RALGAPA2: variants seen among roughly 807,000 people sequenced by gnomAD.
RALGAPA2 encodes Ral GTPase activating protein catalytic subunit alpha 2.
In RALGAPA2, 139 loss-of-function variants were observed where a neutral mutation model predicts 230.4. The ratio of observed to expected loss-of-function variants is 0.60; its 90% CI spans 0.53 to 0.69. RALGAPA2 has a LOEUF of 0.69. RALGAPA2 is among the 30% of genes least tolerant of loss of function. The pLI is 0.00. For synonymous variants in RALGAPA2, 847 were observed against 837.8 expected, an observed-to-expected ratio of 1.01 and a Z score of -0.19; for missense variants, 2,163 against 2,276.0, an observed-to-expected ratio of 0.95 and a Z score of 1.01.
At chr20:20,704,659 T>C (rs948640607) in intron 1 of RALGAPA2, among the ~76,000 whole-genome samples, 2 of 152,182 alleles carry the variant, frequency 1.3e-5, no homozygotes, top group African/African-American at 4.8e-5. Flanking sequence ...GGGCTTGCAA[T>C]CCAAAGGAAG....
At chr20:20,543,173 T>C (rs1373338768) in intron 24 of RALGAPA2, among the ~76,000 whole-genome samples, 1 of 152,062 alleles carries the variant, frequency 6.6e-6, no homozygotes, top group Non-Finnish European at 1.5e-5. Flanking sequence ...GCCTCCTGAG[T>C]AGCTGGGACT....
At chr20:20,438,864 T>C (rs1018912561) in intron 37 of RALGAPA2, among the ~76,000 whole-genome samples, 3 of 152,218 alleles carry the variant, frequency 2.0e-5, no homozygotes, top group Admixed American at 6.5e-5. Flanking sequence ...AAATGGAGGC[T>C]GAGAAATAAA....
chr20:20,479,939 T>A (rs1364543741), intron 36 of RALGAPA2, among the ~76,000 whole-genome samples: 8 of 152,256 alleles, frequency 5.3e-5, no homozygotes, highest in Admixed American at 4.6e-4. Flanking sequence ...CAGAATACAT[T>A]CACCAAAAAT....
intron 35 of RALGAPA2, among the ~76,000 whole-genome samples, chr20:20,501,811 C>CT (rs1460595834): frequency 6.6e-6 from 1 of 152,106 alleles, no homozygotes; most frequent in Non-Finnish European, 1.5e-5. Context: ...CACTTGAATA[C>CT]TTTGAGGCCA....
intron 37 of RALGAPA2, among the ~76,000 whole-genome samples, chr20:20,438,540 C>T (rs940853630): frequency 4.6e-5 from 7 of 152,282 alleles, no homozygotes; most frequent in Middle Eastern, 3.4e-3. Flanking sequence ...GGTATGTTCA[C>T]GGTACAGCCC....
At chr20:20,662,180 C>T (rs1208944515) in intron 3 of RALGAPA2, among the ~76,000 whole-genome samples, 1 of 151,992 alleles carries the variant, frequency 6.6e-6, no homozygotes, top group Non-Finnish European at 1.5e-5. Context: ...CTAAGCGATG[C>T]AAATAAATCC....
chr20:20,702,123 A>G (rs1300751988), intron 1 of RALGAPA2, among the ~76,000 whole-genome samples: 2 of 152,198 alleles, frequency 1.3e-5, no homozygotes, highest in Admixed American at 6.5e-5. Flanking sequence ...AACAAAAGCT[A>G]CAAAGTGCTG....
intron 37 of RALGAPA2, among the ~76,000 whole-genome samples, chr20:20,458,034 G>A (rs1343220228): frequency 1.3e-5 from 2 of 152,196 alleles, no homozygotes; most frequent in South Asian, 4.1e-4. Flanking sequence ...CACTTTAGTC[G>A]CTGGCCCTGG....
chr20:20,687,055 G>A (rs1401578067), intron 1 of RALGAPA2, among the ~76,000 whole-genome samples: 8 of 151,700 alleles, frequency 5.3e-5, no homozygotes, highest in African/African-American at 2.4e-5. Flanking sequence ...GTGTGTAGAT[G>A]AAGATAGGTG....
intron 20 of RALGAPA2, among the ~76,000 whole-genome samples, chr20:20,578,520 A>C (rs1320882347): frequency 6.6e-6 from 1 of 152,172 alleles, no homozygotes. Context: ...TAATTTTTAC[A>C]AAGAGATCTA....
At chr20:20,417,704 T>A (rs1242867863) in intron 37 of RALGAPA2, among the ~76,000 whole-genome samples, 1 of 152,180 alleles carries the variant, frequency 6.6e-6, no homozygotes, top group Non-Finnish European at 1.5e-5. Context: ...TTCATCAAAT[T>A]TATGTCAAGA....
chr20:20,554,742 A>C (rs2064031374), intron 23 of RALGAPA2, among the ~76,000 whole-genome samples: 1 of 152,176 alleles, frequency 6.6e-6, no homozygotes, highest in Admixed American at 6.5e-5. Context: ...GGCCTCAAGC[A>C]ATCCACCTGT....
chr20:20,623,336 T>C (rs1286053455), intron 10 of RALGAPA2, among the ~76,000 whole-genome samples: 1 of 152,010 alleles, frequency 6.6e-6, no homozygotes, highest in Non-Finnish European at 1.5e-5. Context: ...ATATCAAAAA[T>C]AGACAAGATA....
At chr20:20,406,604 T>C (rs1052995544) in intron 38 of RALGAPA2, among the ~76,000 whole-genome samples, 1 of 152,208 alleles carries the variant, frequency 6.6e-6, no homozygotes, top group African/African-American at 2.4e-5. Flanking sequence ...TCATATAAGA[T>C]AGTTTGTATT....
intron 3 of RALGAPA2, among the ~76,000 whole-genome samples, chr20:20,675,280 G>A (rs928100296): frequency 6.6e-6 from 1 of 152,134 alleles, no homozygotes; most frequent in Non-Finnish European, 1.5e-5. Flanking sequence ...CAGGGCTATT[G>A]AGCACTAGCC....
At chr20:20,396,945 T>C (rs2059732295) in intron 38 of RALGAPA2, among the ~76,000 whole-genome samples, 1 of 152,174 alleles carries the variant, frequency 6.6e-6, no homozygotes, top group South Asian at 2.1e-4. Flanking sequence ...AAATGTGAAA[T>C]GAGAGAGACA....
At chr20:20,481,859 C>T (rs1337258724) in intron 36 of RALGAPA2, among the ~76,000 whole-genome samples, 1 of 152,144 alleles carries the variant, frequency 6.6e-6, no homozygotes, top group Non-Finnish European at 1.5e-5. Context: ...GTGTTGTCTG[C>T]CCTGTGGGCC....
rs537121768 is a variant in RALGAPA2 at position 20,407,086 on chromosome 20, C to A, written c.5617+4941G>T. ...TGAGTTGGCACTGATTCCAACTTGC[C>A]CATGACCTTCGGTGGTCCCTTCCTG... On this transcript the variant is annotated intron_variant, in intron 38 of 39. Coordinates refer to ENST00000202677, the MANE Select transcript of RALGAPA2 (RefSeq NM_020343.4). 2.0e-5 allele frequency among the ~76,000 whole-genome samples: 3 copies of A among 152,198 alleles called. No homozygotes were observed. In the South Asian group the frequency reaches 6.2e-4, roughly 32 times the overall value.
chr20:20,607,529 T>C (rs2065858190), intron 14 of RALGAPA2, among the ~76,000 whole-genome samples: 1 of 152,186 alleles, frequency 6.6e-6, no homozygotes, highest in African/African-American at 2.4e-5. Flanking sequence ...TATTAATTTT[T>C]ATACCCCTGC....
Sources: gnomAD v4.1 joint callset for allele counts (sites outside exome capture counted in the v4.1 genomes callset) on GRCh38, gnomAD v4.1.1 for gene constraint, MANE v1.5 for transcripts, NCBI Gene and HGNC (gene_info 2026-07-23, HGNC 2026-07-21) for gene names.